Variants in FMNL2 observed in about 807,000 individuals in gnomAD.
The protein encoded by FMNL2 is formin-like protein 2.
Under a neutral mutation model 130.2 loss-of-function variants are expected in FMNL2, and 51 were observed. The ratio of observed to expected loss-of-function variants is 0.39; its 90% confidence interval spans 0.31 to 0.49. The LOEUF is 0.49. Among genes scored for constraint, FMNL2 ranks in the 20% least tolerant of loss-of-function variants. The pLI, the probability that FMNL2 is intolerant of heterozygous loss-of-function variation, is 0.85. For missense variants in FMNL2, 977 were observed against 1,316.2 expected (o/e 0.74, Z 3.99); for synonymous variants, 465 against 467.1 (o/e 1.00, Z 0.06).
chr2:152,347,198 G>C (rs1055251684), intron 1 of FMNL2, among the ~76,000 whole-genome samples: 8 of 152,094 alleles, frequency 5.3e-5, no homozygotes, highest in Non-Finnish European at 1.2e-4. Flanking sequence ...GGTGAGACTT[G>C]GCTTCTGGTC....
At chr2:152,374,383 C>A (rs1338871519) in intron 1 of FMNL2, among the ~76,000 whole-genome samples, 3 of 152,034 alleles carry the variant, frequency 2.0e-5, no homozygotes, top group Non-Finnish European at 4.4e-5. Flanking sequence ...AGAAGAATGT[C>A]ATTAATTGTG....
intron 9 of FMNL2, among the ~76,000 whole-genome samples, chr2:152,598,096 C>T (rs1385976652): frequency 6.6e-6 from 1 of 152,198 alleles, no homozygotes; most frequent in African/African-American, 2.4e-5. Flanking sequence ...AGAGCATGGG[C>T]TGATAGCTGC....
chr2:152,418,948 T>C (rs1686762581), intron 1 of FMNL2, among the ~76,000 whole-genome samples: 1 of 150,532 alleles, frequency 6.6e-6, no homozygotes, highest in African/African-American at 2.4e-5. Context: ...CATATCCTTA[T>C]ATGCTTGCAA....
chr2:152,585,277 A>G (rs1310287953), intron 9 of FMNL2, among the ~76,000 whole-genome samples: 2 of 151,960 alleles, frequency 1.3e-5, no homozygotes, highest in African/African-American at 4.8e-5. Flanking sequence ...GGAGTCATCT[A>G]TTTTTTCTTA....
intron 1 of FMNL2, among the ~76,000 whole-genome samples, chr2:152,510,405 T>C (rs1346358987): frequency 2.0e-5 from 3 of 152,164 alleles, no homozygotes; most frequent in Non-Finnish European, 4.4e-5. Context: ...GTCAGTAAAA[T>C]AGAATGTGAT....
At chr2:152,581,128 T>G in intron 9 of FMNL2, 79 bp downstream of exon 9, 1 of 1,285,488 alleles carries the variant, frequency 7.8e-7, no homozygotes, top group Non-Finnish European at 1.1e-6. Flanking sequence ...ATTTACCTTT[T>G]CATTTATCCT....
intron 16 of FMNL2, among the ~76,000 whole-genome samples, chr2:152,626,011 T>TTTTTA (rs574623895): frequency 6.6e-6 from 1 of 151,956 alleles, no homozygotes; most frequent in Non-Finnish European, 1.5e-5. Flanking sequence ...TTCACTTATT[T>TTTTTA]TTTTATTTTA....
intron 1 of FMNL2, among the ~76,000 whole-genome samples, chr2:152,402,819 A>G (rs186420357): frequency 2.0e-5 from 3 of 152,324 alleles, no homozygotes; most frequent in Non-Finnish European, 4.4e-5. Context: ...TTAATGAGCC[A>G]ATACAGTTAC....
chr2:152,586,917 A>G (rs904223676), intron 9 of FMNL2, among the ~76,000 whole-genome samples: 2 of 151,934 alleles, frequency 1.3e-5, no homozygotes, highest in African/African-American at 4.8e-5. Flanking sequence ...CATGGCAGGG[A>G]TTGTCTCTTC....
At chr2:152,523,888 C>T (rs1293837149) in intron 2 of FMNL2, among the ~76,000 whole-genome samples, 2 of 152,074 alleles carry the variant, frequency 1.3e-5, no homozygotes, top group Non-Finnish European at 2.9e-5. Context: ...TTATTGAAAA[C>T]ATGTTGAATG....
chr2:152,572,776 G>C (rs1696247303), intron 6 of FMNL2, among the ~76,000 whole-genome samples: 2 of 151,466 alleles, frequency 1.3e-5, no homozygotes, highest in Admixed American at 1.3e-4. Flanking sequence ...TCATGCGTTG[G>C]AGCTGAATTC....
chr2:152,596,038 CT>C (rs1172130005), intron 9 of FMNL2, among the ~76,000 whole-genome samples: 13 of 150,668 alleles, frequency 8.6e-5, no homozygotes, highest in African/African-American at 3.2e-4. Context: ...TCTCGGCTCA[CT>C]GCAACCTCCT....
chr2:152,366,077 A>T (rs1198140226), intron 1 of FMNL2, among the ~76,000 whole-genome samples: 1 of 152,036 alleles, frequency 6.6e-6, no homozygotes, highest in Non-Finnish European at 1.5e-5. Flanking sequence ...AATGATGGAG[A>T]GAAAAGAGTC....
chr2:152,541,640 C>T (rs888151121), intron 2 of FMNL2, among the ~76,000 whole-genome samples: 5 of 152,126 alleles, frequency 3.3e-5, no homozygotes, highest in Admixed American at 2.0e-4. Context: ...TCTCCAAGTA[C>T]GCATATATAC....
chr2:152,541,118 GA>G (rs1323716399), intron 2 of FMNL2, among the ~76,000 whole-genome samples: 1 of 152,108 alleles, frequency 6.6e-6, no homozygotes, highest in Non-Finnish European at 1.5e-5. Flanking sequence ...ACGTAGAAAA[GA>G]ACATGATAAA....
rs1491371455 is a variant in FMNL2 at position 152,607,507 on chromosome 2, A to ACACACG, written c.951+94_951+95insCACACG. ...CACACACACACACACACACACACACATATTTATATTACAAAGGACAGGGAA... is the reference window on the plus strand; with the variant it reads ...CACACACACACACACACACACACACACACACGTATTTATATTACAAAGGACAGGGAA... On this transcript the variant is annotated intron_variant, in intron 10 of 25. Coordinates refer to ENST00000288670, the MANE Select transcript of FMNL2 (RefSeq NM_052905.4). 1.1e-4 allele frequency: 91 copies of ACACACG among 799,466 alleles called. 1 individual carries two copies. The African/African-American group carries it at 1.3e-3, about 12-fold the overall frequency. 49.5% of individuals were successfully genotyped at this position (799,466 alleles called of 1,614,324 possible). A position where few individuals can be genotyped will look rare whatever the true frequency, so the allele number is the denominator to read the frequency against.
intron 1 of FMNL2, among the ~76,000 whole-genome samples, chr2:152,348,147 C>T (rs1682235279): frequency 6.6e-6 from 1 of 152,218 alleles, no homozygotes; most frequent in African/African-American, 2.4e-5. Flanking sequence ...ATGAGAAAAA[C>T]AACTCTCCTT....
intron 9 of FMNL2, among the ~76,000 whole-genome samples, chr2:152,591,678 C>A (rs113143468): frequency 2.6e-5 from 4 of 152,142 alleles, no homozygotes; most frequent in African/African-American, 9.7e-5. Context: ...TGTTGGTGCA[C>A]GCTTGTGGTC....
chr2:152,337,569 C>A (rs1233587227), intron 1 of FMNL2, among the ~76,000 whole-genome samples: 1 of 152,020 alleles, frequency 6.6e-6, no homozygotes, highest in Non-Finnish European at 1.5e-5. Context: ...ATTAATAACA[C>A]ATGGTGTGAA....
Sources: allele counts gnomAD v4.1 joint callset (sites outside exome capture counted in the v4.1 genomes callset), GRCh38; gene constraint gnomAD v4.1.1; transcripts MANE v1.5; gene names NCBI Gene and HGNC (gene_info 2026-07-23, HGNC 2026-07-21).